The following DRAP1 variants were observed in gnomAD, a reference collection of about 807,000 sequenced individuals.
The protein encoded by DRAP1 is DR1 associated protein 1, also known as dr1-associated corepressor.
Under a neutral mutation model 24.1 loss-of-function variants are expected in DRAP1, and 10 were observed. The observed-to-expected ratio is 0.41, with a 90% CI of 0.26 to 0.70. DRAP1 has a LOEUF of 0.70. Among genes scored for constraint, DRAP1 ranks in the 30% least tolerant of loss-of-function variants. The pLI, the probability that DRAP1 is intolerant of heterozygous loss-of-function variation, is 0.29. For synonymous variants in DRAP1, 122 were observed against 113.8 expected, an observed-to-expected ratio of 1.07 and a Z score of -0.46; for missense variants, 264 against 275.6, an observed-to-expected ratio of 0.96 and a Z score of 0.30.
chr11:65,919,644 T>C, intron 1 of DRAP1, 101 bp downstream of exon 1: 2 of 1,525,400 alleles, frequency 1.3e-6, no homozygotes, highest in South Asian at 2.4e-5. Context: ...TTCGGGGGCC[T>C]GGACGCCCCG....
At chr11:65,919,749 C>CG in intron 1 of DRAP1, 31 bp from the exon 2 acceptor site, 1 of 1,612,358 alleles carries the variant, frequency 6.2e-7, no homozygotes, top group Middle Eastern at 1.7e-4. Flanking sequence ...ACGGTGGCGA[C>CG]GGGGTCTGAA....
In DRAP1 at chr11:65,920,345, A is replaced by C. The variant is rs1230992913; in HGVS notation, c.212A>C (p.Lys71Thr). 5 of 1,614,036 alleles carry C rather than the reference A, an allele frequency of 3.1e-6. No individual in the cohort carries two copies. The highest frequency in any genetic ancestry group is 4.2e-6 in the Non-Finnish European group (5 of 1,180,010). ...NAKTMTTSHL[K>T]QCIELEQQFD... ...CAGCCCCTCCTCACCTCTTCCAGGA[A>C]GCAGTGCATCGAGCTGGAGCAGCAG... Residue 71 changes from lysine to threonine, a missense_variant and splice_region_variant, in exon 4 of 7, where the codon AAG (lysine) becomes ACG (threonine). This residue lies in a region of DRAP1 where 243 missense variants were observed against 233.6 expected (regional missense o/e 1.04). Coordinates refer to ENST00000312515, the MANE Select transcript of DRAP1 (RefSeq NM_006442.4).
In DRAP1 at chr11:65,919,471, C is replaced by T. The variant is rs1854518747; in HGVS notation, c.-31C>T. On this transcript the variant is annotated 5_prime_UTR_variant, in exon 1 of 7. Coordinates refer to ENST00000312515, the MANE Select transcript of DRAP1 (RefSeq NM_006442.4). ...AGCCGGGAGGCTGCGGGCGGCGGCG[C>T]TGGACCCGACGCGGCGAGAGAGGCC... 5.2e-6 allele frequency: 8 copies of T among 1,530,878 alleles called. No individual in the cohort carries two copies. In the East Asian group the frequency reaches 1.8e-4, roughly 35 times the overall value. 94.8% of individuals were successfully genotyped at this position (1,530,878 alleles called of 1,614,324 possible). A position where few individuals can be genotyped will look rare whatever the true frequency, so the allele number is the denominator to read the frequency against.
chr11:65,921,162 T>A, intron 6 of DRAP1, 168 bp from the exon 7 acceptor site: 1 of 664,538 alleles, frequency 1.5e-6, no homozygotes, highest in South Asian at 2.0e-5. Context: ...CCAGGGCCCG[T>A]GGGTGGGGCC....
At position 65,919,830 on chromosome 11, in the gene DRAP1, G is replaced by A; in HGVS notation, c.93G>A (p.Ala31=). 1.2e-6 allele frequency: 2 copies of A among 1,612,876 alleles called. No homozygotes were observed. Among genetic ancestry groups the A allele is most frequent in the South Asian group, 1.1e-5 (1 of 91,092 alleles). ...MQTDEEIGKV[A]AAVPVIISRA... is the part of the protein sequence containing the mutation. ...CGGACGAAGAGATTGGGAAGGTGGC[G>A]GCGGCGGTGCCTGTCATCATCTGTA... The change falls in exon 2 of 7, where the codon GCG becomes GCA. Residue 31 remains alanine, a synonymous_variant. Coordinates refer to ENST00000312515, the MANE Select transcript of DRAP1 (RefSeq NM_006442.4).
chr11:65,919,450 G>T lies in DRAP1; in HGVS notation c.-52G>T, dbSNP rs927701485. Reference sequence around the variant, plus strand: ...CGGGCGGCGAGCAGGCCCGGGAGCCGGGAGGCTGCGGGCGGCGGCGCTGGA... The same window carrying T: ...CGGGCGGCGAGCAGGCCCGGGAGCCTGGAGGCTGCGGGCGGCGGCGCTGGA... On this transcript the variant is annotated 5_prime_UTR_variant, in exon 1 of 7. Coordinates refer to ENST00000312515, the MANE Select transcript of DRAP1 (RefSeq NM_006442.4). The T allele has an allele frequency of 7.9e-6, 12 of 1,512,854 alleles. No homozygotes were observed. The African/African-American group carries it at 1.5e-4, about 18-fold the overall frequency. The allele number at this position is 1,512,854 out of a possible 1,614,324, so 93.7% of individuals were successfully genotyped here.
At chr11:65,921,173 T>A in intron 6 of DRAP1, 157 bp from the exon 7 acceptor site, 4 of 675,422 alleles carry the variant, frequency 5.9e-6, no homozygotes, top group South Asian at 2.0e-5. Context: ...GGGTGGGGCC[T>A]GGGCCTGCCC....
At chr11:65,920,238 T>G in intron 3 of DRAP1, 105 bp from the exon 4 acceptor site, 1 of 1,551,992 alleles carries the variant, frequency 6.4e-7, no homozygotes. Flanking sequence ...GGAGCGGAGA[T>G]CGGCCCGGGC....
intron 3 of DRAP1, 84 bp downstream of exon 3, chr11:65,920,125 G>A: frequency 2.0e-6 from 3 of 1,529,438 alleles, no homozygotes; most frequent in Admixed American, 1.9e-5. Flanking sequence ...GGGTGGCGAG[G>A]GAGGTGGGCG....
At chr11:65,921,245 T>TG in intron 6 of DRAP1, 85 bp from the exon 7 acceptor site, 1 of 827,486 alleles carries the variant, frequency 1.2e-6, no homozygotes, top group Non-Finnish European at 2.0e-6. Flanking sequence ...GAGGGTCAGA[T>TG]GGGGGAGGGA....
rs2134833077 is a variant in DRAP1 at position 65,919,809 on chromosome 11, C to T, written c.72C>T (p.Asp24=). The T allele has an allele frequency of 2.5e-6, 4 of 1,613,022 alleles. No individual in the cohort carries two copies. Among genetic ancestry groups the T allele is most frequent in the South Asian group, 1.1e-5 (1 of 91,086 alleles). ...PARIKKIMQT[D]EEIGKVAAAV... The stretch of plus-strand genomic sequence containing the variant: ...GGATCAAGAAGATCATGCAGACGGA[C>T]GAAGAGATTGGGAAGGTGGCGGCGG... The change falls in exon 2 of 7, where the codon GAC becomes GAT. Residue 24 remains aspartate (D), a synonymous_variant. Transcript: ENST00000312515.
intron 6 of DRAP1, 128 bp from the exon 7 acceptor site, chr11:65,921,202 C>T: frequency 1.4e-6 from 1 of 723,602 alleles, no homozygotes. Flanking sequence ...CTGCCCTGGG[C>T]CTTGGCCGCA....
rs753523957 is a variant in DRAP1 at position 65,921,390 on chromosome 11, C to T, written c.573C>T (p.Gly191=). The T allele has an allele frequency of 1.9e-6, 3 of 1,611,628 alleles. No homozygotes were observed. The highest frequency in any genetic ancestry group is 1.7e-5 in the Admixed American group (1 of 59,982). Residue 191 remains glycine (G), a synonymous_variant, in exon 7 of 7, where the codon GGC becomes GGT. Coordinates refer to ENST00000312515, the MANE Select transcript of DRAP1 (RefSeq NM_006442.4). The stretch of plus-strand genomic sequence containing the variant: ...TGCCTTTGCCCCCAGCGCCCCCGGG[C>T]CCCTCAGCACCTGATGAAGAGGACG... The part of the protein sequence containing the change: ...STLPLPPAPP[G]PSAPDEEDEE...
rs1181745938 is a variant in DRAP1 at position 65,919,852 on chromosome 11, T to G, written c.115T>G (p.Ser39Ala). The change falls in exon 2 of 7, where the codon TCC becomes GCC. Residue 39 changes from serine to alanine, a missense_variant and splice_region_variant. Ser to Ala is a moderately conservative substitution (Grantham distance 99, BLOSUM62 1). Coordinates refer to ENST00000312515, the MANE Select transcript of DRAP1 (RefSeq NM_006442.4). ...GGCGGCGGCGGTGCCTGTCATCATC[T>G]GTATCCTGCCGGGGGCGGACCGGGT... ...KVAAAVPVIISRALELFLESL... is the reference protein window; with the variant it reads ...KVAAAVPVIIARALELFLESL... The G allele has an allele frequency of 6.2e-7, 1 of 1,613,078 alleles. No individual in the cohort carries two copies.
chr11:65,919,768 C>A lies in DRAP1; in HGVS notation c.43-12C>A. On this transcript the variant is annotated splice_polypyrimidine_tract_variant and intron_variant, in intron 1 of 6. Transcript: ENST00000312515. ...TGGCGACGGGGTCTGAACTCTGCTC[C>A]CCCACCCGCAGGCGCGGATCAAGAA... The A allele has an allele frequency of 6.2e-7, 1 of 1,612,952 alleles. No individual in the cohort carries two copies. The highest frequency in any genetic ancestry group is 1.1e-5 in the South Asian group (1 of 91,086).
Position 65,919,704 on chromosome 11 carries a change from G to A in DRAP1, c.43-76G>A, listed in dbSNP as rs565714575. 5.9e-5 allele frequency: 93 copies of A among 1,587,676 alleles called. No homozygotes were observed. In the African/African-American group the frequency reaches 1.2e-3, roughly 21 times the overall value. On this transcript the variant is annotated intron_variant, in intron 1 of 6. Transcript: ENST00000312515. The stretch of plus-strand genomic sequence containing the variant: ...CGTGTCCCCCGCCCCCTTTCTCCGG[G>A]GATGCCCCTTCCTCCCCCAGCACCC...
chr11:65,921,487 G>T lies in DRAP1; in HGVS notation c.*52G>T. On this transcript the variant is annotated 3_prime_UTR_variant, in exon 7 of 7. Coordinates refer to ENST00000312515, the MANE Select transcript of DRAP1 (RefSeq NM_006442.4). ...CCTTTTAGTTGGTTTTAGTTGCTCT[G>T]GGGGGAGGAGAGAAGGTAGAGCTGT... The T allele has an allele frequency of 2.4e-6, 2 of 841,690 alleles. No homozygotes were observed. Among genetic ancestry groups the T allele is most frequent in the Non-Finnish European group, 3.9e-6 (2 of 513,366 alleles). 52.1% of individuals were successfully genotyped at this position (841,690 alleles called of 1,614,324 possible).
rs1321158996 is a variant in DRAP1, at chr11:65,919,943, C to T, written c.116-5C>T. On this transcript the variant is annotated splice_region_variant and splice_polypyrimidine_tract_variant and intron_variant, in intron 2 of 6. Coordinates refer to ENST00000312515, the MANE Select transcript of DRAP1 (RefSeq NM_006442.4). ...TGCCCCGGAGTTCTCCTTGACGCTCCTCAGCCCGGGCGCTCGAGCTCTTCC... is the reference window on the plus strand; with the variant it reads ...TGCCCCGGAGTTCTCCTTGACGCTCTTCAGCCCGGGCGCTCGAGCTCTTCC... The T allele has an allele frequency of 1.9e-6, 3 of 1,613,694 alleles. No individual in the cohort carries two copies. In the African/African-American group the frequency reaches 4.0e-5, roughly 22 times the overall value.
At position 65,921,488 on chromosome 11, in the gene DRAP1, G is replaced by A. The variant is rs866995853; in HGVS notation, c.*53G>A. ...CTTTTAGTTGGTTTTAGTTGCTCTG[G>A]GGGGAGGAGAGAAGGTAGAGCTGTT... On this transcript the variant is annotated 3_prime_UTR_variant, in exon 7 of 7. Coordinates refer to ENST00000312515, the MANE Select transcript of DRAP1 (RefSeq NM_006442.4). 2.4e-6 allele frequency: 2 copies of A among 845,258 alleles called. No individual in the cohort carries two copies. The highest frequency in any genetic ancestry group is 1.7e-5 in the African/African-American group (1 of 58,626). 52.4% of individuals were successfully genotyped at this position (845,258 alleles called of 1,614,324 possible).
Sources: allele counts gnomAD v4.1 joint callset, GRCh38; gene constraint gnomAD v4.1.1; regional missense constraint gnomAD v4.1.1; transcripts MANE v1.5; gene names NCBI Gene and HGNC (gene_info 2026-07-23, HGNC 2026-07-21).